PTPRK: variants seen among roughly 807,000 people sequenced by gnomAD.
PTPRK encodes the protein receptor-type tyrosine-protein phosphatase kappa.
PTPRK carries 75 observed loss-of-function variants against 178.0 expected under a neutral mutation model. That is an observed-to-expected ratio of 0.42 (90% CI 0.35 to 0.51). The LOEUF is 0.51. Ranked by LOEUF, PTPRK falls within the 20% of genes least tolerant of loss-of-function variation. PTPRK has a pLI of 0.02. For synonymous variants in PTPRK, 637 were observed against 620.6 expected (o/e 1.03, Z -0.39); for missense variants, 1,441 against 1,797.8 (o/e 0.80, Z 3.59).
intron 18 of PTPRK, among the ~76,000 whole-genome samples, chr6:127,993,773 T>C (rs982895690): frequency 6.6e-6 from 1 of 151,680 alleles, no homozygotes; most frequent in African/African-American, 2.4e-5. Context: ...CAGAAGTATA[T>C]ACTCATATCG....
In PTPRK at chr6:128,399,661, T is replaced by C. The variant is rs1239003968; in HGVS notation, c.101-1973A>G. Among the ~76,000 whole-genome samples the C allele has an allele frequency of 2.6e-5, 4 of 152,342 alleles. No homozygotes were observed. In the Middle Eastern group the frequency reaches 0.01, roughly 389 times the overall value. ...GGCCTTCAGGGCCCCCATTACCCTT[T>C]ATAATAGTGTGAGTGCCCTCTGTAT... is the stretch of plus-strand genomic sequence containing the variant. On this transcript the variant is annotated intron_variant, in intron 1 of 29. Transcript: ENST00000368226.
chr6:128,000,792 C>T (rs1777745750), intron 15 of PTPRK, among the ~76,000 whole-genome samples: 1 of 152,036 alleles, frequency 6.6e-6, no homozygotes, highest in South Asian at 2.1e-4. Flanking sequence ...AATGCAATCA[C>T]TCAAGCTGGA....
chr6:128,181,376 A>C (rs2114685454), intron 7 of PTPRK, among the ~76,000 whole-genome samples: 1 of 152,190 alleles, frequency 6.6e-6, no homozygotes, highest in African/African-American at 2.4e-5. Flanking sequence ...ACATGCAGGG[A>C]CTATTAAAAT....
intron 6 of PTPRK, among the ~76,000 whole-genome samples, chr6:128,199,390 C>T (rs1805494693): frequency 6.6e-6 from 1 of 152,020 alleles, no homozygotes; most frequent in South Asian, 2.1e-4. Context: ...ATGCCATATA[C>T]CTGTTACTTA....
chr6:128,266,222 T>C (rs924536909), intron 3 of PTPRK, among the ~76,000 whole-genome samples: 4 of 152,144 alleles, frequency 2.6e-5, no homozygotes, highest in African/African-American at 7.2e-5. Context: ...CTAAAGCTAC[T>C]AGAAGAGCAA....
chr6:128,268,918 G>T (rs971872762), intron 3 of PTPRK, among the ~76,000 whole-genome samples: 1 of 151,920 alleles, frequency 6.6e-6, no homozygotes, highest in Non-Finnish European at 1.5e-5. Flanking sequence ...AAACACAGAG[G>T]ATTTAAATAT....
intron 5 of PTPRK, among the ~76,000 whole-genome samples, chr6:128,224,165 A>C (rs1229877013): frequency 2.0e-5 from 3 of 152,182 alleles, no homozygotes; most frequent in African/African-American, 7.2e-5. Flanking sequence ...TGAATCACAC[A>C]AATATATGAT....
intron 7 of PTPRK, among the ~76,000 whole-genome samples, chr6:128,141,797 T>G (rs1795808877): frequency 6.6e-6 from 1 of 151,962 alleles, no homozygotes; most frequent in South Asian, 2.1e-4. Flanking sequence ...CTGCCCTTTT[T>G]GACCCACTGG....
chr6:128,181,327 C>T (rs913809087), intron 7 of PTPRK, among the ~76,000 whole-genome samples: 4 of 151,928 alleles, frequency 2.6e-5, no homozygotes, highest in African/African-American at 9.7e-5. Flanking sequence ...AAGTAATTTA[C>T]TTTTTGATTG....
At chr6:128,137,698 A>T (rs765206132) in intron 7 of PTPRK, among the ~76,000 whole-genome samples, 1 of 152,104 alleles carries the variant, frequency 6.6e-6, no homozygotes, top group African/African-American at 2.4e-5. Context: ...CCCAAACAGC[A>T]TCCAAGATAG....
intron 6 of PTPRK, among the ~76,000 whole-genome samples, chr6:128,203,616 C>T (rs1055141164): frequency 2.0e-5 from 3 of 152,132 alleles, no homozygotes; most frequent in African/African-American, 7.2e-5. Flanking sequence ...TGCTAGCAGT[C>T]CTATACCCCA....
intron 13 of PTPRK, among the ~76,000 whole-genome samples, chr6:128,055,197 CAAA>C (rs901378739): frequency 7.2e-5 from 11 of 152,062 alleles, no homozygotes; most frequent in Admixed American, 5.2e-4. Flanking sequence ...TTTATTTTGA[CAAA>C]GAGCAATTTG....
At chr6:128,282,541 G>T (rs545074088) in intron 3 of PTPRK, among the ~76,000 whole-genome samples, 1 of 152,280 alleles carries the variant, frequency 6.6e-6, no homozygotes, top group South Asian at 2.1e-4. Context: ...TTAAACACCA[G>T]AAGTTGATAA....
intron 2 of PTPRK, among the ~76,000 whole-genome samples, chr6:128,345,020 T>C (rs1832225635): frequency 7.3e-6 from 1 of 136,602 alleles, no homozygotes; most frequent in East Asian, 2.2e-4. Context: ...TAGGTCTCAG[T>C]ATAAGCCAGG....
At chr6:128,208,450 T>G (rs1309063025) in intron 6 of PTPRK, among the ~76,000 whole-genome samples, 1 of 151,980 alleles carries the variant, frequency 6.6e-6, no homozygotes, top group Admixed American at 6.6e-5. Flanking sequence ...AAGTAAAAAG[T>G]TTTACAAAGA....
At chr6:128,021,362 C>T (rs988321054) in intron 13 of PTPRK, among the ~76,000 whole-genome samples, 4 of 152,146 alleles carry the variant, frequency 2.6e-5, no homozygotes, top group Non-Finnish European at 4.4e-5. Context: ...TTCAGCCGGG[C>T]GCAGTGGCTC....
chr6:128,489,887 T>C (rs1036209382), intron 1 of PTPRK, among the ~76,000 whole-genome samples: 5 of 152,218 alleles, frequency 3.3e-5, no homozygotes, highest in Non-Finnish European at 7.3e-5. Flanking sequence ...TTCAGGAAGC[T>C]TCCCACACTT....
At chr6:128,325,112 A>T (rs1829366434) in intron 2 of PTPRK, among the ~76,000 whole-genome samples, 1 of 152,200 alleles carries the variant, frequency 6.6e-6, no homozygotes, top group African/African-American at 2.4e-5. Flanking sequence ...TTTTAATTAA[A>T]ACTTCTTTAA....
Position 127,976,940 on chromosome 6 carries a change from C to T in PTPRK, c.3826G>A (p.Glu1276Lys), listed in dbSNP as rs373557186. The T allele has an allele frequency of 1.2e-5, 20 of 1,613,912 alleles. No individual in the cohort carries two copies. Among genetic ancestry groups the T allele is most frequent in the Admixed American group, 6.7e-5 (4 of 59,984 alleles). ...YGCTSIVMLNEVDLSQGCPQY... is the reference protein window; with the variant it reads ...YGCTSIVMLNKVDLSQGCPQY... ...CCATTAACCTGGGACAAGTCGACTT[C>T]GTTTAACATCACAATGGAGGTACAG... is the stretch of plus-strand genomic sequence containing the variant. Residue 1276 changes from glutamate (E) to lysine (K), a missense_variant, in exon 26 of 30, where the codon GAA (glutamate) becomes AAA (lysine). This residue lies in a region of PTPRK where 335 missense variants were observed against 512.4 expected (regional missense o/e 0.65). Coordinates refer to ENST00000368226, the MANE Select transcript of PTPRK (RefSeq NM_002844.4).
Sources: allele counts gnomAD v4.1 joint callset (sites outside exome capture counted in the v4.1 genomes callset), GRCh38; gene constraint gnomAD v4.1.1; regional missense constraint gnomAD v4.1.1; transcripts MANE v1.5; gene names NCBI Gene and HGNC (gene_info 2026-07-23, HGNC 2026-07-21).